Variants in KPNA3 observed in about 807,000 individuals in gnomAD.
KPNA3 encodes the protein importin subunit alpha-4.
Under a neutral mutation model 73.8 loss-of-function variants are expected in KPNA3, and 13 were observed. The ratio of observed to expected loss-of-function variants is 0.18; its 90% CI spans 0.11 to 0.28. The LOEUF is 0.28. Ranked by LOEUF, KPNA3 falls within the 10% of genes least tolerant of loss-of-function variation. KPNA3 has a pLI of 1.00. For synonymous variants in KPNA3, 186 were observed against 206.9 expected (o/e 0.90, Z 0.87); for missense variants, 360 against 618.1 (o/e 0.58, Z 4.43).
chr13:49,755,176 T>C (rs75773643), intron 1 of KPNA3, among the ~76,000 whole-genome samples: 4,321 of 152,282 alleles, frequency 0.028, 209 homozygotes, highest in African/African-American at 0.098. Flanking sequence ...GCAGGCTTCA[T>C]TCTAGTGATA....
chr13:49,788,777 T>A (rs1420298621), intron 1 of KPNA3, among the ~76,000 whole-genome samples: 1 of 147,024 alleles, frequency 6.8e-6, no homozygotes, highest in Non-Finnish European at 1.5e-5. Flanking sequence ...TAAAAGGAAA[T>A]GTTTCCCTTT....
chr13:49,787,648 A>G (rs1355743719), intron 1 of KPNA3, among the ~76,000 whole-genome samples: 1 of 150,700 alleles, frequency 6.6e-6, no homozygotes, highest in East Asian at 1.9e-4. Flanking sequence ...CTGGGATTAC[A>G]GGCATGAGCC....
chr13:49,726,983 A>G (rs1437336888), intron 6 of KPNA3, among the ~76,000 whole-genome samples: 3 of 152,070 alleles, frequency 2.0e-5, no homozygotes, highest in African/African-American at 7.2e-5. Flanking sequence ...ACCTGTTAAA[A>G]GGAAATGATA....
chr13:49,734,954 T>TAGATAG (rs144444749), intron 2 of KPNA3, among the ~76,000 whole-genome samples: 19 of 145,840 alleles, frequency 1.3e-4, no homozygotes, highest in African/African-American at 1.8e-4. Context: ...GAGAGATAGA[T>TAGATAG]AGAGAGAGAG....
At chr13:49,763,639 A>G (rs1373040613) in intron 1 of KPNA3, among the ~76,000 whole-genome samples, 1 of 152,230 alleles carries the variant, frequency 6.6e-6, no homozygotes, top group African/African-American at 2.4e-5. Flanking sequence ...TCAAAAAGCA[A>G]CAGACTAAAA....
At chr13:49,706,426 GTCTT>G (rs954097518) in intron 12 of KPNA3, 54 bp from the exon 13 acceptor site, 7 of 1,179,576 alleles carry the variant, frequency 5.9e-6, no homozygotes, top group African/African-American at 3.1e-5. Flanking sequence ...TACCTTTAAT[GTCTT>G]TCTAATATAT....
intron 15 of KPNA3, among the ~76,000 whole-genome samples, chr13:49,703,762 AT>A (rs1954174725): frequency 2.0e-5 from 3 of 152,314 alleles, no homozygotes; most frequent in African/African-American, 7.2e-5. Context: ...ATACATGTTT[AT>A]CAATTTCACA....
intron 6 of KPNA3, among the ~76,000 whole-genome samples, chr13:49,732,121 A>G (rs1405904128): frequency 6.6e-6 from 1 of 152,238 alleles, no homozygotes; most frequent in Non-Finnish European, 1.5e-5. Flanking sequence ...TAAATATTTG[A>G]GATAAGTTAA....
rs1193646150 is a variant in KPNA3, at chr13:49,780,826, T to A, written c.69+11612A>T. Among the ~76,000 whole-genome samples the A allele has an allele frequency of 2.0e-5, 3 of 151,646 alleles. No individual in the cohort carries two copies. In the East Asian group the frequency reaches 5.8e-4, roughly 29 times the overall value. ...ACCTCTGCCTCCCAGGTTCAAGCGA[T>A]TCTCCTGCCTCAGCCTCTGAAGCAG... On this transcript the variant is annotated intron_variant, in intron 1 of 16. Coordinates refer to ENST00000261667, the MANE Select transcript of KPNA3 (RefSeq NM_002267.4).
At chr13:49,779,657 A>G (rs1954925503) in intron 1 of KPNA3, among the ~76,000 whole-genome samples, 1 of 152,168 alleles carries the variant, frequency 6.6e-6, no homozygotes, top group Non-Finnish European at 1.5e-5. Flanking sequence ...AAAACAAACG[A>G]ACAGCCTTCT....
intron 10 of KPNA3, among the ~76,000 whole-genome samples, chr13:49,714,580 G>A (rs566373742): frequency 2.8e-4 from 42 of 152,028 alleles, no homozygotes; most frequent in Non-Finnish European, 5.4e-4. Context: ...CCACAAAAAA[G>A]TACCAAATCC....
chr13:49,787,191 A>T (rs1954990041), intron 1 of KPNA3, among the ~76,000 whole-genome samples: 1 of 152,226 alleles, frequency 6.6e-6, no homozygotes, highest in South Asian at 2.1e-4. Flanking sequence ...CAGAAACTAA[A>T]GCATAAAGCT....
intron 1 of KPNA3, among the ~76,000 whole-genome samples, chr13:49,784,736 C>T (rs1954967915): frequency 6.6e-6 from 1 of 152,108 alleles, no homozygotes; most frequent in East Asian, 1.9e-4. Flanking sequence ...CAAAAATACA[C>T]ATGGGAAAAA....
At chr13:49,780,226 C>T (rs1001562890) in intron 1 of KPNA3, among the ~76,000 whole-genome samples, 2 of 152,054 alleles carry the variant, frequency 1.3e-5, no homozygotes, top group Non-Finnish European at 2.9e-5. Context: ...AGAATACAAC[C>T]ACACTCATTT....
At chr13:49,709,533 CAGAA>C in intron 12 of KPNA3, 35 bp downstream of exon 12, 1 of 1,515,202 alleles carries the variant, frequency 6.6e-7, no homozygotes, top group East Asian at 2.4e-5. Context: ...AAATGAGACA[CAGAA>C]AGAAATAGCA....
chr13:49,700,300 C>CA lies in KPNA3; in HGVS notation c.*1499_*1500insT, dbSNP rs1954135678. The CA allele has an allele frequency of 6.6e-6, 1 of 152,602 alleles. No individual in the cohort carries two copies. The highest frequency in any genetic ancestry group is 2.4e-5 in the African/African-American group (1 of 41,452). 9.5% of individuals were successfully genotyped at this position (152,602 alleles called of 1,614,324 possible). ...ATCTTCATCACAGTAAATACACCCC[C>CA]CAATGGATAACTAAATTAGTTTAGA... On this transcript the variant is annotated 3_prime_UTR_variant, in exon 17 of 17. Transcript: ENST00000261667.
chr13:49,773,066 G>A (rs1759495548), intron 1 of KPNA3, among the ~76,000 whole-genome samples: 1 of 151,670 alleles, frequency 6.6e-6, no homozygotes, highest in African/African-American at 2.4e-5. Flanking sequence ...TGAACTTTAG[G>A]TACACAAAAT....
chr13:49,732,063 T>A (rs1196650486), intron 6 of KPNA3, among the ~76,000 whole-genome samples: 1 of 152,190 alleles, frequency 6.6e-6, no homozygotes. Flanking sequence ...TCAAACATTA[T>A]TTGGGTTGTT....
chr13:49,786,148 C>G (rs1002005466), intron 1 of KPNA3, among the ~76,000 whole-genome samples: 3 of 152,180 alleles, frequency 2.0e-5, no homozygotes, highest in African/African-American at 7.2e-5. Context: ...GCAACAGTAT[C>G]AATGCCATGG....
Sources: gnomAD v4.1 joint callset for allele counts (sites outside exome capture counted in the v4.1 genomes callset) on GRCh38, gnomAD v4.1.1 for gene constraint, MANE v1.5 for transcripts, NCBI Gene and HGNC (gene_info 2026-07-23, HGNC 2026-07-21) for gene names.